The following STAT1 variants were observed in gnomAD, a reference collection of about 807,000 sequenced individuals.
STAT1 encodes the protein signal transducer and activator of transcription 1-alpha/beta.
STAT1 carries 24 observed loss-of-function variants against 111.7 expected under a neutral mutation model. That is an observed-to-expected ratio of 0.21 (90% CI 0.16 to 0.30). The LOEUF (loss-of-function observed/expected upper bound fraction) is 0.30. STAT1 is among the 10% of genes least tolerant of loss of function. The probability of loss-of-function intolerance (pLI) is 1.00; values close to 1 mark genes in which losing one functional copy is unlikely to be tolerated. For synonymous variants in STAT1, 332 were observed against 326.5 expected, an observed-to-expected ratio of 1.02 and a Z score of -0.18; for missense variants, 351 against 911.9, an observed-to-expected ratio of 0.38 and a Z score of 7.92.
rs1305986071 is a variant in STAT1, at chr2:191,007,954, AG to A, written c.274-294del. The A allele has an allele frequency of 4.1e-6, 2 of 490,706 alleles. No individual in the cohort carries two copies. The highest frequency in any genetic ancestry group is 1.1e-4 in the East Asian group (2 of 18,248). The allele number at this position is 490,706 out of a possible 1,614,324, so 30.4% of individuals were successfully genotyped here. A position where few individuals can be genotyped will look rare whatever the true frequency, so the allele number is the denominator to read the frequency against. ...CTTTAATATCTTTCCATATTTCTTAAGGCCAATTATCTTTGGTTAGGATCCC... is the reference window on the plus strand; with the variant it reads ...CTTTAATATCTTTCCATATTTCTTAAGCCAATTATCTTTGGTTAGGATCCC... On this transcript the variant is annotated intron_variant, in intron 4 of 24. Coordinates refer to ENST00000361099, the MANE Select transcript of STAT1 (RefSeq NM_007315.4). This position sits in a 1 kb window ranked among gnomAD's most constrained non-coding sequence, Gnocchi z 4.2.
intron 10 of STAT1, 28 bp from the exon 11 acceptor site, chr2:190,991,348 A>C: frequency 1.2e-6 from 2 of 1,609,842 alleles, no homozygotes; most frequent in Non-Finnish European, 1.7e-6. Flanking sequence ...AGGATAGATA[A>C]GTTAGCATTT....
intron 2 of STAT1, 96 bp downstream of exon 2, chr2:191,013,429 G>T (rs1416470039): frequency 3.6e-5 from 14 of 389,614 alleles, no homozygotes; most frequent in Non-Finnish European, 5.0e-5. Flanking sequence ...TTAAACTCTA[G>T]GAAGACATTA....
In STAT1 at chr2:190,987,079, A is replaced by AT. The variant is rs780971171; in HGVS notation, c.1098-12_1098-11insA. 2.1e-5 allele frequency: 33 copies of AT among 1,596,084 alleles called. No homozygotes were observed. Among genetic ancestry groups the AT allele is most frequent in the Middle Eastern group, 2.1e-4 (1 of 4,702 alleles). ...CTCTCATTCACATCTCTGCAAAAAAAATATATATAATCACATATGCGTATT... is the reference window on the plus strand; with the variant it reads ...CTCTCATTCACATCTCTGCAAAAAAATATATATATAATCACATATGCGTATT... On this transcript the variant is annotated splice_polypyrimidine_tract_variant and intron_variant, in intron 12 of 24. Transcript: ENST00000361099. The surrounding 1 kb of genome is among the most constrained non-coding windows in gnomAD (Gnocchi z 4.0).
In STAT1 at chr2:190,991,251, C is replaced by A; in HGVS notation, c.1014G>T (p.Gly338=). The A allele has an allele frequency of 6.2e-7, 1 of 1,614,066 alleles. No individual in the cohort carries two copies. ...ACCTCAACTTCACAGTGAACTGGAC[C>A]CCTGTCTTCAAGACCAGCGGCCTCT... ...HPQRPLVLKT[G]VQFTVKLRLL... The change falls in exon 11 of 25, where the codon GGG becomes GGT. Residue 338 remains glycine (G), a synonymous_variant. Coordinates refer to ENST00000361099, the MANE Select transcript of STAT1 (RefSeq NM_007315.4).
Position 190,970,323 on chromosome 2 carries a change from T to C in STAT1, c.*380A>G. ...GTCAAGCAGTTCCCTAAATAACCACTGATTTATCCAACAACCTATAACAGT... is the reference window on the plus strand; with the variant it reads ...GTCAAGCAGTTCCCTAAATAACCACCGATTTATCCAACAACCTATAACAGT... On this transcript the variant is annotated 3_prime_UTR_variant, in exon 25 of 25. Coordinates refer to ENST00000361099, the MANE Select transcript of STAT1 (RefSeq NM_007315.4). This position sits in a 1 kb window ranked among gnomAD's most constrained non-coding sequence, Gnocchi z 5.4. 2 of 288,746 alleles carry C rather than the reference T, an allele frequency of 6.9e-6. No homozygotes were observed. Among genetic ancestry groups the C allele is most frequent in the Non-Finnish European group, 1.4e-5 (2 of 147,870 alleles). The allele number at this position is 288,746 out of a possible 1,614,324, so 17.9% of individuals were successfully genotyped here.
At position 190,975,444 on chromosome 2, in the gene STAT1, A is replaced by T; in HGVS notation, c.2135+368T>A. The T allele has an allele frequency of 1.1e-6, 1 of 873,250 alleles. No homozygotes were observed. Among genetic ancestry groups the T allele is most frequent in the Non-Finnish European group, 1.7e-6 (1 of 588,904 alleles). 54.1% of individuals were successfully genotyped at this position (873,250 alleles called of 1,614,324 possible). ...CCAAAATTTTTTCTACCTTTTATAA[A>T]ATGAAACAACAAAATCAAAGCAAGT... On this transcript the variant is annotated intron_variant, in intron 23 of 24. Transcript: ENST00000361099. This position sits in a 1 kb window ranked among gnomAD's most constrained non-coding sequence, Gnocchi z 5.9.
chr2:190,993,237 G>A lies in STAT1; in HGVS notation c.944+1824C>T, dbSNP rs891380647. ...TTGTTGACGTTTTCACTGGGATAAT[G>A]ATCTATTTTCTGCAGTCACTGTTTA... On this transcript the variant is annotated intron_variant, in intron 10 of 24. Transcript: ENST00000361099. This position sits in a 1 kb window ranked among gnomAD's most constrained non-coding sequence, Gnocchi z 4.1. 2 of 586,890 alleles carry A rather than the reference G, an allele frequency of 3.4e-6. No homozygotes were observed. The allele number at this position is 586,890 out of a possible 1,614,324, so 36.4% of individuals were successfully genotyped here.
intron 5 of STAT1, among the ~76,000 whole-genome samples, chr2:191,002,558 T>G (rs189887156): frequency 1.1e-3 from 171 of 152,352 alleles, no homozygotes; most frequent in African/African-American, 3.9e-3. Flanking sequence ...TTGTTGGTAT[T>G]TTTATTGGAA....
At position 190,970,629 on chromosome 2, in the gene STAT1, G is replaced by A; in HGVS notation, c.*74C>T. ...TTTCCCTAGAAACACAGGATGTGAA[G>A]GAACAGAGTAGCAGGAGGGAATCAC... On this transcript the variant is annotated 3_prime_UTR_variant, in exon 25 of 25. Transcript: ENST00000361099. This position sits in a 1 kb window ranked among gnomAD's most constrained non-coding sequence, Gnocchi z 5.4. The A allele has an allele frequency of 1.3e-6, 2 of 1,512,448 alleles. No individual in the cohort carries two copies. The highest frequency in any genetic ancestry group is 1.8e-6 in the Non-Finnish European group (2 of 1,088,478). 93.7% of individuals were successfully genotyped at this position (1,512,448 alleles called of 1,614,324 possible).
chr2:190,989,582 C>T lies in STAT1; in HGVS notation c.1097+33G>A. 1 of 1,259,510 alleles carries T rather than the reference C, an allele frequency of 7.9e-7. No individual in the cohort carries two copies. Among genetic ancestry groups the T allele is most frequent in the Non-Finnish European group, 1.1e-6 (1 of 880,378 alleles). 78.0% of individuals were successfully genotyped at this position (1,259,510 alleles called of 1,614,324 possible). ...TAACAAAATCAACATTTCAATAGTACATGTATGTTATATAATGTTAAAGAT... is the reference window on the plus strand; with the variant it reads ...TAACAAAATCAACATTTCAATAGTATATGTATGTTATATAATGTTAAAGAT... On this transcript the variant is annotated intron_variant, in intron 12 of 24. Coordinates refer to ENST00000361099, the MANE Select transcript of STAT1 (RefSeq NM_007315.4). The surrounding 1 kb of genome is among the most constrained non-coding windows in gnomAD (Gnocchi z 5.0).
In STAT1 at chr2:190,970,446, G is replaced by A. The variant is rs1303456711; in HGVS notation, c.*257C>T. On this transcript the variant is annotated 3_prime_UTR_variant, in exon 25 of 25. Transcript: ENST00000361099. The surrounding 1 kb of genome is among the most constrained non-coding windows in gnomAD (Gnocchi z 5.4). ...CGTCCTGATACTTTGGGTGTATCTG[G>A]ATGTTTTTCACTTGTGAAACCCACT... 1 of 552,894 alleles carries A rather than the reference G, an allele frequency of 1.8e-6. No homozygotes were observed. Among genetic ancestry groups the A allele is most frequent in the Non-Finnish European group, 3.3e-6 (1 of 306,120 alleles). 34.2% of individuals were successfully genotyped at this position (552,894 alleles called of 1,614,324 possible).
Position 190,998,176 on chromosome 2 carries a change from A to G in STAT1, c.633+41T>C. The G allele has an allele frequency of 6.3e-7, 1 of 1,587,988 alleles. No homozygotes were observed. Among genetic ancestry groups the G allele is most frequent in the Non-Finnish European group, 8.6e-7 (1 of 1,156,642 alleles). On this transcript the variant is annotated intron_variant, in intron 8 of 24. Coordinates refer to ENST00000361099, the MANE Select transcript of STAT1 (RefSeq NM_007315.4). This position sits in a 1 kb window ranked among gnomAD's most constrained non-coding sequence, Gnocchi z 4.1. ...ACTTTGAGTCCATTATTTACAGTGT[A>G]TAACAAAAGTGGCATGCTATTCTGG... is the stretch of plus-strand genomic sequence containing the variant.
Position 190,980,560 on chromosome 2 carries a change from T to C in STAT1, c.1632+60A>G, listed in dbSNP as rs1165162021. The C allele has an allele frequency of 1.3e-6, 2 of 1,560,764 alleles. No individual in the cohort carries two copies. Among genetic ancestry groups the C allele is most frequent in the African/African-American group, 1.4e-5 (1 of 73,906 alleles). Reference sequence around the variant, plus strand: ...TAAGTAACTATCACAGCAAGAAACATGAGAACCTCAACCAAGAGCAAAAAG... The same window carrying C: ...TAAGTAACTATCACAGCAAGAAACACGAGAACCTCAACCAAGAGCAAAAAG... On this transcript the variant is annotated intron_variant, in intron 19 of 24. Coordinates refer to ENST00000361099, the MANE Select transcript of STAT1 (RefSeq NM_007315.4). This position sits in a 1 kb window ranked among gnomAD's most constrained non-coding sequence, Gnocchi z 6.1.
In STAT1 at chr2:190,974,681, C is replaced by CTT. The variant is rs1691764598; in HGVS notation, c.2238+147_2238+148dup. 1.4e-6 allele frequency: 1 copy of CTT among 715,460 alleles called. No homozygotes were observed. Among genetic ancestry groups the CTT allele is most frequent in the Non-Finnish European group, 2.5e-6 (1 of 395,760 alleles). The allele number at this position is 715,460 out of a possible 1,614,324, so 44.3% of individuals were successfully genotyped here. A position where few individuals can be genotyped will look rare whatever the true frequency, so the allele number is the denominator to read the frequency against. ...GGTGGTTTAAATCCAGCAGCTCCAA[C>CTT]TTGTCATGGCTCATCTGAGCACTGC... is the stretch of plus-strand genomic sequence containing the variant. On this transcript the variant is annotated intron_variant, in intron 24 of 24. Coordinates refer to ENST00000361099, the MANE Select transcript of STAT1 (RefSeq NM_007315.4). The surrounding 1 kb of genome is among the most constrained non-coding windows in gnomAD (Gnocchi z 4.8).
Position 190,974,690 on chromosome 2 carries a change from G to C in STAT1, c.2238+140C>G, listed in dbSNP as rs535256032. 2.7e-6 allele frequency: 2 copies of C among 741,226 alleles called. No homozygotes were observed. The highest frequency in any genetic ancestry group is 5.4e-5 in the East Asian group (2 of 37,294). 45.9% of individuals were successfully genotyped at this position (741,226 alleles called of 1,614,324 possible). A position where few individuals can be genotyped will look rare whatever the true frequency, so the allele number is the denominator to read the frequency against. ...AATCCAGCAGCTCCAACTTGTCATGGCTCATCTGAGCACTGCACTCTCCTT... is the reference window on the plus strand; with the variant it reads ...AATCCAGCAGCTCCAACTTGTCATGCCTCATCTGAGCACTGCACTCTCCTT... On this transcript the variant is annotated intron_variant, in intron 24 of 24. Coordinates refer to ENST00000361099, the MANE Select transcript of STAT1 (RefSeq NM_007315.4). This position sits in a 1 kb window ranked among gnomAD's most constrained non-coding sequence, Gnocchi z 4.8.
At position 190,989,079 on chromosome 2, in the gene STAT1, CCACA is replaced by C. The variant is rs916636038; in HGVS notation, c.1097+532_1097+535del. On this transcript the variant is annotated intron_variant, in intron 12 of 24. Coordinates refer to ENST00000361099, the MANE Select transcript of STAT1 (RefSeq NM_007315.4). This position sits in a 1 kb window ranked among gnomAD's most constrained non-coding sequence, Gnocchi z 5.0. ...GAGACAAGAGTGAATCCCACAGGCT[CCACA>C]CAGTCTCCCCAAGATGCTGCTGACC... Among the ~76,000 whole-genome samples, 1 of 151,996 alleles carries C rather than the reference CCACA, an allele frequency of 6.6e-6. No individual in the cohort carries two copies. Among genetic ancestry groups the C allele is most frequent in the African/African-American group, 2.4e-5 (1 of 41,380 alleles).
In STAT1 at chr2:190,976,760, C is replaced by T. The variant is rs1485062918; in HGVS notation, c.2059+80G>A. On this transcript the variant is annotated intron_variant, in intron 22 of 24. Coordinates refer to ENST00000361099, the MANE Select transcript of STAT1 (RefSeq NM_007315.4). The surrounding 1 kb of genome is among the most constrained non-coding windows in gnomAD (Gnocchi z 6.0). ...TTACCAATTCGAAAGCAAAACACTG[C>T]ATGGGTGGAGTTTCAGAATAATCAC... The T allele has an allele frequency of 1.6e-6, 2 of 1,271,868 alleles. No individual in the cohort carries two copies. Among genetic ancestry groups the T allele is most frequent in the Non-Finnish European group, 2.3e-6 (2 of 870,740 alleles). The allele number at this position is 1,271,868 out of a possible 1,614,324, so 78.8% of individuals were successfully genotyped here.
Position 190,971,925 on chromosome 2 carries a change from C to T in STAT1, c.2239-1208G>A, listed in dbSNP as rs539990206. 6.6e-6 allele frequency among the ~76,000 whole-genome samples: 1 copy of T among 152,098 alleles called. No individual in the cohort carries two copies. The highest frequency in any genetic ancestry group is 2.4e-5 in the African/African-American group (1 of 41,412). ...ATGGGGTTTCACCGTGTTGGCCAGG[C>T]TGGTCTCAAACTCCTGATCGCAGGT... On this transcript the variant is annotated intron_variant, in intron 24 of 24. Transcript: ENST00000361099. This position sits in a 1 kb window ranked among gnomAD's most constrained non-coding sequence, Gnocchi z 4.1.
At chr2:191,013,988 C>T (rs1161736108) in intron 1 of STAT1, 30 bp downstream of exon 1, 1 of 243,572 alleles carries the variant, frequency 4.1e-6, no homozygotes, top group Non-Finnish European at 7.8e-6. Context: ...GCGTCCCACC[C>T]CCGGCACCCG....
Sources: gnomAD v4.1 joint callset for allele counts (sites outside exome capture counted in the v4.1 genomes callset) on GRCh38, gnomAD v4.1.1 for gene constraint, Gnocchi (gnomAD v3.1) non-coding constraint, MANE v1.5 for transcripts, NCBI Gene and HGNC (gene_info 2026-07-23, HGNC 2026-07-21) for gene names.